GRM5: variants seen among roughly 807,000 people sequenced by gnomAD.
GRM5 encodes the protein glutamate metabotropic receptor 5, also known as metabotropic glutamate receptor 5.
GRM5 carries 19 observed loss-of-function variants against 83.1 expected under a neutral mutation model. The observed-to-expected ratio is 0.23, with a 90% CI of 0.16 to 0.34. GRM5 has a LOEUF of 0.34. Among genes scored for constraint, GRM5 ranks in the 10% least tolerant of loss-of-function variants. The pLI, the probability that GRM5 is intolerant of heterozygous loss-of-function variation, is 1.00. For missense variants in GRM5, 1,160 were observed against 1,588.3 expected (o/e 0.73, Z 4.58); for synonymous variants, 675 against 633.6 (o/e 1.07, Z -0.98).
intron 2 of GRM5, among the ~76,000 whole-genome samples, chr11:89,014,067 T>C (rs935588344): frequency 6.6e-6 from 1 of 152,172 alleles, no homozygotes; most frequent in Non-Finnish European, 1.5e-5. Flanking sequence ...ATTTGCTACA[T>C]AGTCACAAGT....
Position 88,981,804 on chromosome 11 carries a change from T to C in GRM5, c.661+65408A>G, listed in dbSNP as rs181087331. 2.6e-5 allele frequency among the ~76,000 whole-genome samples: 4 copies of C among 152,274 alleles called. No homozygotes were observed. The East Asian group carries it at 7.7e-4, about 29-fold the overall frequency. On this transcript the variant is annotated intron_variant, in intron 2 of 9. Coordinates refer to ENST00000305447, the MANE Select transcript of GRM5 (RefSeq NM_001143831.3). ...GCCCTCACTTTCTTCATCTGAAGAA[T>C]TAGAATAAGTCCTTATATCACAGAC...
At chr11:88,745,679 G>A (rs1942122472) in intron 3 of GRM5, among the ~76,000 whole-genome samples, 1 of 152,188 alleles carries the variant, frequency 6.6e-6, no homozygotes, top group South Asian at 2.1e-4. Flanking sequence ...AAACTTAAGT[G>A]TCTCTCTATT....
intron 3 of GRM5, among the ~76,000 whole-genome samples, chr11:88,798,843 A>G (rs3862370): frequency 2.0e-5 from 3 of 147,286 alleles, no homozygotes; most frequent in African/African-American, 7.4e-5. Context: ...ACAACAACAA[A>G]AAAAAACTGC....
intron 7 of GRM5, among the ~76,000 whole-genome samples, chr11:88,588,217 G>A (rs979374938): frequency 6.6e-6 from 1 of 152,156 alleles, no homozygotes; most frequent in Non-Finnish European, 1.5e-5. Flanking sequence ...GCAAAATCTA[G>A]GGAGATAATG....
intron 2 of GRM5, among the ~76,000 whole-genome samples, chr11:88,958,169 C>G (rs1210282349): frequency 6.6e-6 from 1 of 151,670 alleles, no homozygotes; most frequent in African/African-American, 2.4e-5. Context: ...CACACAGGTC[C>G]TCTCCAGTTT....
chr11:88,821,680 TC>T (rs1485412620), intron 3 of GRM5, among the ~76,000 whole-genome samples: 1 of 152,140 alleles, frequency 6.6e-6, no homozygotes, highest in African/African-American at 2.4e-5. Context: ...GCTCCTGAAT[TC>T]CCCCTGCTTG....
At chr11:88,682,156 G>A (rs1446614545) in intron 3 of GRM5, among the ~76,000 whole-genome samples, 1 of 152,142 alleles carries the variant, frequency 6.6e-6, no homozygotes, top group Non-Finnish European at 1.5e-5. Context: ...CTATGGATTT[G>A]ACAATCATCT....
In GRM5 at chr11:89,041,896, T is replaced by C. The variant is rs573742238; in HGVS notation, c.661+5316A>G. On this transcript the variant is annotated intron_variant, in intron 2 of 9. Transcript: ENST00000305447. ...TACAATCAATCCATAATTTCAAAGATTTCTGGGGATCTCATGTTTTCAGAA... is the reference window on the plus strand; with the variant it reads ...TACAATCAATCCATAATTTCAAAGACTTCTGGGGATCTCATGTTTTCAGAA... Among the ~76,000 whole-genome samples, 6 of 152,298 alleles carry C rather than the reference T, an allele frequency of 3.9e-5. No homozygotes were observed. In the East Asian group the frequency reaches 1.2e-3, roughly 29 times the overall value.
chr11:88,613,470 T>TA (rs1938383458), intron 4 of GRM5, among the ~76,000 whole-genome samples: 2 of 152,190 alleles, frequency 1.3e-5, no homozygotes. Context: ...CTTTGTCTTT[T>TA]AAAAAATTAT....
chr11:88,951,664 C>T (rs1192937808), intron 2 of GRM5, among the ~76,000 whole-genome samples: 1 of 152,196 alleles, frequency 6.6e-6, no homozygotes, highest in Non-Finnish European at 1.5e-5. Flanking sequence ...ACTTGCTTAT[C>T]CCCTCTGAGT....
chr11:88,528,785 G>C lies in GRM5; in HGVS notation c.2631-3381C>G, dbSNP rs1200893716. On this transcript the variant is annotated intron_variant, in intron 8 of 9. Transcript: ENST00000305447. ...TATTGAGCATGCCAGGCTGTTTGCT[G>C]TACACTATTGTAAATTATTAAAACA... Among the ~76,000 whole-genome samples, 3 of 152,084 alleles carry C rather than the reference G, an allele frequency of 2.0e-5. No individual in the cohort carries two copies. The East Asian group carries it at 5.8e-4, about 29-fold the overall frequency.
intron 2 of GRM5, among the ~76,000 whole-genome samples, chr11:88,992,792 T>G (rs935902172): frequency 2.0e-5 from 3 of 146,954 alleles, no homozygotes; most frequent in Non-Finnish European, 4.4e-5. Context: ...CCACGTGTTC[T>G]CACTCATAGG....
intron 3 of GRM5, among the ~76,000 whole-genome samples, chr11:88,742,394 A>C (rs972560887): frequency 3.9e-5 from 6 of 152,272 alleles, no homozygotes; most frequent in Admixed American, 3.9e-4. Flanking sequence ...CTGGAAAAGG[A>C]AACTTAAGAC....
chr11:88,570,571 A>ATATATATATTTTT (rs1405339448), intron 7 of GRM5, among the ~76,000 whole-genome samples: 1 of 46,378 alleles, frequency 2.2e-5, no homozygotes, highest in African/African-American at 1.3e-4. Flanking sequence ...ATATATATAT[A>ATATATATATTTTT]TTTTTTTTTT....
intron 3 of GRM5, among the ~76,000 whole-genome samples, chr11:88,736,673 A>G (rs907257830): frequency 2.0e-5 from 3 of 152,038 alleles, no homozygotes; most frequent in African/African-American, 4.8e-5. Flanking sequence ...ACTCAGGCAC[A>G]TTTCCCTGCA....
At chr11:88,611,964 TTTA>T (rs1050236675) in intron 4 of GRM5, among the ~76,000 whole-genome samples, 3 of 151,466 alleles carry the variant, frequency 2.0e-5, no homozygotes, top group Non-Finnish European at 2.9e-5. Flanking sequence ...TATTTATTTA[TTTA>T]TTATTTTTTT....
chr11:88,736,928 C>T (rs1941926667), intron 3 of GRM5, among the ~76,000 whole-genome samples: 1 of 152,066 alleles, frequency 6.6e-6, no homozygotes, highest in Admixed American at 6.6e-5. Flanking sequence ...CCTCAGCAGG[C>T]TTGTCGCACA....
chr11:88,806,989 C>A (rs944344275), intron 3 of GRM5, among the ~76,000 whole-genome samples: 1 of 152,144 alleles, frequency 6.6e-6, no homozygotes, highest in Admixed American at 6.5e-5. Flanking sequence ...TCTGTGAAGT[C>A]TTCCCTAACT....
At chr11:88,990,082 T>G (rs1007930221) in intron 2 of GRM5, among the ~76,000 whole-genome samples, 1 of 148,178 alleles carries the variant, frequency 6.7e-6, no homozygotes, top group South Asian at 2.2e-4. Flanking sequence ...AGCTGGTTTT[T>G]TGAAAGGATC....
Sources: allele counts gnomAD v4.1 joint callset (sites outside exome capture counted in the v4.1 genomes callset), GRCh38; gene constraint gnomAD v4.1.1; transcripts MANE v1.5; gene names NCBI Gene and HGNC (gene_info 2026-07-23, HGNC 2026-07-21).